ESRRG: variants seen among roughly 807,000 people sequenced by gnomAD.
The protein encoded by ESRRG is estrogen-related receptor gamma.
ESRRG carries 13 observed loss-of-function variants against 44.0 expected under a neutral mutation model. That is an observed-to-expected ratio of 0.30 (90% CI 0.19 to 0.47). The LOEUF (loss-of-function observed/expected upper bound fraction) is 0.47, where lower values mean the gene tolerates loss of function less well. ESRRG is among the 20% of genes least tolerant of loss of function. The pLI is 1.00. For synonymous variants in ESRRG, 215 were observed against 214.6 expected, an observed-to-expected ratio of 1.00 and a Z score of -0.02; for missense variants, 395 against 580.6, an observed-to-expected ratio of 0.68 and a Z score of 3.29.
chr1:216,859,584 A>G (rs2096013375), intron 2 of ESRRG, among the ~76,000 whole-genome samples: 1 of 152,192 alleles, frequency 6.6e-6, no homozygotes, highest in South Asian at 2.1e-4. Context: ...GTGCTTACAT[A>G]AGACTAGGAA....
chr1:217,017,341 C>T (rs1226216511), intron 1 of ESRRG, among the ~76,000 whole-genome samples: 1 of 152,016 alleles, frequency 6.6e-6, no homozygotes, highest in African/African-American at 2.4e-5. Flanking sequence ...CAGCCTCATT[C>T]ACACTGAGAA....
chr1:216,610,474 C>G (rs996959105), intron 3 of ESRRG, among the ~76,000 whole-genome samples: 5 of 151,998 alleles, frequency 3.3e-5, no homozygotes, highest in Non-Finnish European at 5.9e-5. Context: ...GTGATAAGAC[C>G]ATCTTAAACA....
At chr1:217,129,401 T>C (rs830322) in intron 1 of ESRRG, among the ~76,000 whole-genome samples, 67,713 of 152,004 alleles carry the variant, frequency 0.45, 15,753 homozygotes, top group African/African-American at 0.58. Context: ...TAAAATTATG[T>C]AGCTGCTGTG....
At chr1:217,107,495 CT>C (rs1367781553) in intron 1 of ESRRG, among the ~76,000 whole-genome samples, 1 of 152,170 alleles carries the variant, frequency 6.6e-6, no homozygotes, top group East Asian at 1.9e-4. Context: ...TTTTTCCCCC[CT>C]GGGGTTAGTT....
chr1:217,058,699 T>C (rs2087684255), intron 1 of ESRRG, among the ~76,000 whole-genome samples: 1 of 151,968 alleles, frequency 6.6e-6, no homozygotes, highest in Admixed American at 6.6e-5. Flanking sequence ...TAATATGTGA[T>C]AAAACAATGA....
At chr1:216,773,717 G>A (rs1008443441) in intron 2 of ESRRG, among the ~76,000 whole-genome samples, 1 of 152,074 alleles carries the variant, frequency 6.6e-6, no homozygotes, top group Non-Finnish European at 1.5e-5. Context: ...GATCTTTTGA[G>A]AAAGCAGCTG....
At chr1:217,127,824 G>A (rs1006356866) in intron 1 of ESRRG, among the ~76,000 whole-genome samples, 37 of 152,278 alleles carry the variant, frequency 2.4e-4, no homozygotes, top group African/African-American at 7.9e-4. Flanking sequence ...GAATGTAAGA[G>A]CTACGTTAAA....
chr1:216,693,403 A>AT (rs1259910090), intron 1 of ESRRG, among the ~76,000 whole-genome samples: 2 of 152,182 alleles, frequency 1.3e-5, no homozygotes, highest in Non-Finnish European at 2.9e-5. Flanking sequence ...AAGTGCAAGG[A>AT]TTAGAGGCAT....
chr1:217,095,239 A>G (rs2151557313), intron 1 of ESRRG, among the ~76,000 whole-genome samples: 1 of 152,382 alleles, frequency 6.6e-6, no homozygotes, highest in Admixed American at 6.5e-5. Context: ...AATCACCAGT[A>G]TTCAGAATGA....
chr1:216,806,645 C>T (rs757046917), intron 2 of ESRRG, among the ~76,000 whole-genome samples: 1 of 152,128 alleles, frequency 6.6e-6, no homozygotes, highest in Non-Finnish European at 1.5e-5. Flanking sequence ...TCACTCTAGT[C>T]CTGCCCCAGT....
intron 5 of ESRRG, 66 bp downstream of exon 5, chr1:216,564,153 T>C: frequency 9.9e-7 from 1 of 1,006,314 alleles, no homozygotes; most frequent in South Asian, 2.4e-5. Context: ...TTCACCCAAA[T>C]CTATATACAT....
intron 2 of ESRRG, among the ~76,000 whole-genome samples, chr1:216,931,016 A>G (rs1316136844): frequency 6.6e-6 from 1 of 152,184 alleles, no homozygotes; most frequent in Non-Finnish European, 1.5e-5. Flanking sequence ...AACTCATGTG[A>G]TTTTTGTAAG....
At chr1:216,635,335 G>A (rs917957885) in intron 3 of ESRRG, among the ~76,000 whole-genome samples, 3 of 152,196 alleles carry the variant, frequency 2.0e-5, no homozygotes, top group African/African-American at 7.2e-5. Flanking sequence ...CAGGTTCTAA[G>A]CTACCCGCAG....
At chr1:217,036,758 C>T (rs2082968464) in intron 1 of ESRRG, among the ~76,000 whole-genome samples, 1 of 151,712 alleles carries the variant, frequency 6.6e-6, no homozygotes, top group African/African-American at 2.4e-5. Context: ...TACAACAAAC[C>T]TCCATGACAC....
intron 2 of ESRRG, among the ~76,000 whole-genome samples, chr1:216,775,922 T>C (rs1576416976): frequency 6.6e-6 from 1 of 151,866 alleles, no homozygotes; most frequent in East Asian, 1.9e-4. Context: ...CCCATTGCCA[T>C]TGTCTTAATT....
At chr1:216,585,399 A>AT (rs1174279411) in intron 3 of ESRRG, among the ~76,000 whole-genome samples, 1 of 152,218 alleles carries the variant, frequency 6.6e-6, no homozygotes, top group Non-Finnish European at 1.5e-5. Context: ...TACCTTGCCT[A>AT]TTTAGAAGAG....
chr1:217,055,996 C>T (rs1375725835), intron 1 of ESRRG, among the ~76,000 whole-genome samples: 1 of 152,144 alleles, frequency 6.6e-6, no homozygotes, highest in Non-Finnish European at 1.5e-5. Context: ...CTGCCCTTCC[C>T]AGCTTCCCTT....
At chr1:216,740,361 T>C (rs148955778) in intron 2 of ESRRG, among the ~76,000 whole-genome samples, 12 of 152,292 alleles carry the variant, frequency 7.9e-5, no homozygotes, top group Non-Finnish European at 1.5e-4. Context: ...CACATTTTCC[T>C]TTCAAAAGTC....
At chr1:216,635,265 A>G (rs1305564073) in intron 3 of ESRRG, among the ~76,000 whole-genome samples, 1 of 152,228 alleles carries the variant, frequency 6.6e-6, no homozygotes, top group Non-Finnish European at 1.5e-5. Context: ...TGTACTTGCT[A>G]CTTCTCTGGC....
Sources: gnomAD v4.1 joint callset for allele counts (sites outside exome capture counted in the v4.1 genomes callset) on GRCh38, gnomAD v4.1.1 for gene constraint, MANE v1.5 for transcripts, NCBI Gene and HGNC (gene_info 2026-07-23, HGNC 2026-07-21) for gene names.